The following DLG2 variants were observed in gnomAD, a reference collection of about 807,000 sequenced individuals.
DLG2 encodes the protein discs large MAGUK scaffold protein 2, also known as disks large homolog 2.
In DLG2, 45 loss-of-function variants were observed where a neutral mutation model predicts 132.5. The observed-to-expected ratio is 0.34, with a 90% CI of 0.27 to 0.44. DLG2 has a LOEUF of 0.44. Among genes scored for constraint, DLG2 ranks in the 20% least tolerant of loss-of-function variants. The pLI is 1.00. For missense variants in DLG2, 1,045 were observed against 1,196.9 expected, an observed-to-expected ratio of 0.87 and a Z score of 1.87; for synonymous variants, 424 against 419.6, an observed-to-expected ratio of 1.01 and a Z score of -0.13.
chr11:83,939,634 C>T (rs1378292605), intron 14 of DLG2, among the ~76,000 whole-genome samples: 1 of 152,062 alleles, frequency 6.6e-6, no homozygotes, highest in Non-Finnish European at 1.5e-5. Context: ...CTCGGAGGCT[C>T]GAGGATGATT....
At chr11:84,401,180 A>C (rs549528247) in intron 7 of DLG2, among the ~76,000 whole-genome samples, 2 of 152,242 alleles carry the variant, frequency 1.3e-5, no homozygotes, top group South Asian at 4.1e-4. Context: ...AACTGCAAAG[A>C]CCTGCATAGA....
At chr11:84,585,419 G>A (rs565912727) in intron 6 of DLG2, among the ~76,000 whole-genome samples, 7 of 152,098 alleles carry the variant, frequency 4.6e-5, no homozygotes, top group Non-Finnish European at 8.8e-5. Context: ...AATTGTTTTA[G>A]TATAACTGAT....
intron 3 of DLG2, among the ~76,000 whole-genome samples, chr11:85,377,591 G>A (rs1381136846): frequency 2.0e-5 from 3 of 151,756 alleles, no homozygotes; most frequent in Non-Finnish European, 4.4e-5. Flanking sequence ...GGGATATAGC[G>A]GTTAAAAAAG....
At chr11:84,470,869 G>C (rs1419827713) in intron 7 of DLG2, among the ~76,000 whole-genome samples, 1 of 151,786 alleles carries the variant, frequency 6.6e-6, no homozygotes, top group African/African-American at 2.4e-5. Context: ...TCTAAGAACA[G>C]ACAATTAGAC....
chr11:84,952,521 A>T, intron 6 of DLG2, among the ~76,000 whole-genome samples: 1 of 151,484 alleles, frequency 6.6e-6, no homozygotes, highest in East Asian at 1.9e-4. Context: ...CGTCTCAAAA[A>T]GAAAAAGAAT....
intron 6 of DLG2, among the ~76,000 whole-genome samples, chr11:84,854,796 G>A (rs2154024618): frequency 6.6e-6 from 1 of 152,028 alleles, no homozygotes; most frequent in East Asian, 1.9e-4. Flanking sequence ...ATGAATTGTG[G>A]ACTGCTCTCT....
chr11:84,106,872 A>T (rs1268453233), intron 9 of DLG2, among the ~76,000 whole-genome samples: 67 of 145,848 alleles, frequency 4.6e-4, no homozygotes, highest in African/African-American at 1.7e-3. Context: ...TATGTGTGAG[A>T]GAGAGAGAGA....
intron 7 of DLG2, among the ~76,000 whole-genome samples, chr11:84,413,841 T>A (rs991496141): frequency 2.0e-5 from 3 of 152,174 alleles, no homozygotes; most frequent in African/African-American, 7.2e-5. Context: ...TTTTTTTTCT[T>A]CAGTATAATT....
rs967461018 is a variant in DLG2 at position 85,047,734 on chromosome 11, C to T, written c.357+63927G>A. Among the ~76,000 whole-genome samples the T allele has an allele frequency of 5.3e-5, 8 of 151,730 alleles. No individual in the cohort carries two copies. In the South Asian group the frequency reaches 6.2e-4, roughly 12 times the overall value. Reference sequence around the variant, plus strand: ...TTATTTTAAAATAAATAAAAAGTATCATTTTTAAAATTCAAGTAGGAAAAA... The same window carrying T: ...TTATTTTAAAATAAATAAAAAGTATTATTTTTAAAATTCAAGTAGGAAAAA... On this transcript the variant is annotated intron_variant, in intron 6 of 27. Transcript: ENST00000376104.
At chr11:85,385,770 A>G (rs2086271756) in intron 3 of DLG2, among the ~76,000 whole-genome samples, 1 of 152,210 alleles carries the variant, frequency 6.6e-6, no homozygotes, top group Admixed American at 6.5e-5. Flanking sequence ...AGAGAGAATA[A>G]TAGAAACAAC....
chr11:85,412,241 T>G (rs1045172617), intron 3 of DLG2, among the ~76,000 whole-genome samples: 1 of 151,784 alleles, frequency 6.6e-6, no homozygotes, highest in Non-Finnish European at 1.5e-5. Flanking sequence ...TTCTGTTTGA[T>G]AAAATAAGGA....
intron 3 of DLG2, among the ~76,000 whole-genome samples, chr11:85,299,795 G>A (rs994691606): frequency 3.9e-5 from 6 of 152,142 alleles, no homozygotes; most frequent in South Asian, 4.1e-4. Context: ...ATTCCCATGC[G>A]ATGCTGGTGT....
intron 6 of DLG2, among the ~76,000 whole-genome samples, chr11:84,914,242 A>G (rs1188566037): frequency 6.6e-6 from 1 of 152,188 alleles, no homozygotes; most frequent in Non-Finnish European, 1.5e-5. Flanking sequence ...GTCTACACAG[A>G]AAGAAAAAAC....
At chr11:85,616,329 C>G (rs939628646) in intron 2 of DLG2, among the ~76,000 whole-genome samples, 4 of 151,982 alleles carry the variant, frequency 2.6e-5, no homozygotes, top group African/African-American at 9.7e-5. Context: ...CATTAAATCC[C>G]TTTTTTAAAA....
chr11:83,694,309 G>A (rs2081497592), intron 18 of DLG2, among the ~76,000 whole-genome samples: 1 of 152,098 alleles, frequency 6.6e-6, no homozygotes, highest in South Asian at 2.1e-4. Flanking sequence ...CATCCTACAG[G>A]GCTGCCTGTG....
rs149467471 is a variant in DLG2, at chr11:84,124,596, C to T, written c.625-25549G>A. On this transcript the variant is annotated intron_variant, in intron 9 of 27. Coordinates refer to ENST00000376104, the MANE Select transcript of DLG2 (RefSeq NM_001142699.3). ...TTTAGTGAAGGATCTCTCTCCTTCC[C>T]ATTTTCTCTCTTTCTTTACCATAAA... is the stretch of plus-strand genomic sequence containing the variant. 2.6e-3 allele frequency among the ~76,000 whole-genome samples: 402 copies of T among 152,248 alleles called. 2 individuals are homozygous for T. The highest frequency in any genetic ancestry group is 9.2e-3 in the African/African-American group (381 of 41,568).
intron 22 of DLG2, among the ~76,000 whole-genome samples, chr11:83,483,735 C>A (rs939480137): frequency 4.6e-5 from 7 of 151,884 alleles, no homozygotes; most frequent in African/African-American, 1.4e-4. Flanking sequence ...ATCTTTAAAT[C>A]AATAAAGATA....
intron 3 of DLG2, among the ~76,000 whole-genome samples, chr11:85,290,933 C>T (rs993012397): frequency 6.6e-6 from 1 of 152,054 alleles, no homozygotes; most frequent in Non-Finnish European, 1.5e-5. Context: ...TCCTTAAAAA[C>T]TCAACATATA....
At chr11:83,605,226 G>A (rs2436152) in intron 19 of DLG2, among the ~76,000 whole-genome samples, 75,266 of 151,934 alleles carry the variant, frequency 0.5, 19,595 homozygotes, top group African/African-American at 0.64. Flanking sequence ...TCAGCTCACT[G>A]GAGTGCCTTA....
Sources: gnomAD v4.1 joint callset for allele counts (sites outside exome capture counted in the v4.1 genomes callset) on GRCh38, gnomAD v4.1.1 for gene constraint, MANE v1.5 for transcripts, NCBI Gene and HGNC (gene_info 2026-07-23, HGNC 2026-07-21) for gene names.